RNF13: variants seen among roughly 807,000 people sequenced by gnomAD.
RNF13 encodes the protein ring finger protein 13.
Under a neutral mutation model 37.7 loss-of-function variants are expected in RNF13, and 19 were observed. The ratio of observed to expected loss-of-function variants is 0.50; its 90% CI spans 0.35 to 0.74. The LOEUF is 0.74. Among genes scored for constraint, RNF13 ranks in the 30% least tolerant of loss-of-function variants. The pLI is 0.01. For synonymous variants in RNF13, 144 were observed against 157.8 expected, an observed-to-expected ratio of 0.91 and a Z score of 0.65; for missense variants, 375 against 453.0, an observed-to-expected ratio of 0.83 and a Z score of 1.56.
chr3:149,847,323 A>G (rs1364859721), intron 2 of RNF13, among the ~76,000 whole-genome samples: 1 of 152,132 alleles, frequency 6.6e-6, no homozygotes, highest in East Asian at 1.9e-4. Context: ...GTCTGTGCTA[A>G]GGATTTGGTT....
chr3:149,915,934 G>A (rs953021808), intron 7 of RNF13, among the ~76,000 whole-genome samples: 1 of 152,164 alleles, frequency 6.6e-6, no homozygotes, highest in African/African-American at 2.4e-5. Flanking sequence ...TAGCACAACA[G>A]TATGAATGTA....
intron 2 of RNF13, 121 bp from the exon 3 acceptor site, chr3:149,852,395 G>T: frequency 2.3e-6 from 1 of 441,172 alleles, no homozygotes; most frequent in Non-Finnish European, 4.1e-6. Flanking sequence ...GTTTTATTTT[G>T]ATAAGCTGTG....
chr3:149,832,409 A>G (rs1479344099), intron 1 of RNF13, among the ~76,000 whole-genome samples: 1 of 152,208 alleles, frequency 6.6e-6, no homozygotes, highest in Non-Finnish European at 1.5e-5. Context: ...TTAAAAATTC[A>G]TTGTCACAGA....
At chr3:149,947,708 T>C (rs1383240641) in intron 8 of RNF13, among the ~76,000 whole-genome samples, 3 of 152,152 alleles carry the variant, frequency 2.0e-5, no homozygotes, top group Non-Finnish European at 4.4e-5. Context: ...CCATCTTCCT[T>C]CAGTTCTGTC....
intron 8 of RNF13, among the ~76,000 whole-genome samples, chr3:149,922,173 C>G (rs930726208): frequency 6.6e-6 from 1 of 152,094 alleles, no homozygotes; most frequent in Non-Finnish European, 1.5e-5. Flanking sequence ...GGGGTTTCAC[C>G]ATCTTGGCCA....
chr3:149,892,208 G>A (rs1174784442), intron 4 of RNF13, among the ~76,000 whole-genome samples: 2 of 152,118 alleles, frequency 1.3e-5, no homozygotes, highest in Admixed American at 1.3e-4. Flanking sequence ...TGTTAACAGA[G>A]AACAGCTTTT....
At chr3:149,839,980 C>G (rs1722006315) in intron 1 of RNF13, among the ~76,000 whole-genome samples, 1 of 152,134 alleles carries the variant, frequency 6.6e-6, no homozygotes. Context: ...GGGGCATTAC[C>G]CTCAAGCAAG....
chr3:149,918,224 A>G (rs938313681), intron 7 of RNF13, among the ~76,000 whole-genome samples: 1 of 152,280 alleles, frequency 6.6e-6, no homozygotes, highest in East Asian at 1.9e-4. Flanking sequence ...TCTGGTGTCT[A>G]TTTTATACTT....
rs1716224393 is a variant in RNF13, at chr3:149,904,797, C to A, written c.500+2635C>A. Among the ~76,000 whole-genome samples, 3 of 152,042 alleles carry A rather than the reference C, an allele frequency of 2.0e-5. No individual in the cohort carries two copies. In the South Asian group the frequency reaches 6.2e-4, roughly 32 times the overall value. On this transcript the variant is annotated intron_variant, in intron 6 of 9. Transcript: ENST00000392894. ...AATTAAAAAAAGACTTTAATTTATT[C>A]TTTAGTTCATTAAATTTAAAAATAT...
chr3:149,948,019 G>A (rs898879956), intron 8 of RNF13, among the ~76,000 whole-genome samples: 1 of 151,938 alleles, frequency 6.6e-6, no homozygotes, highest in Admixed American at 6.6e-5. Context: ...GCGCGATCTC[G>A]GCTCACTGTA....
chr3:149,869,285 C>G (rs1264222504), intron 3 of RNF13, among the ~76,000 whole-genome samples: 1 of 151,854 alleles, frequency 6.6e-6, no homozygotes, highest in African/African-American at 2.4e-5. Flanking sequence ...TTCCTTAAAA[C>G]TACTATTTTG....
chr3:149,838,924 C>A (rs1368019938), intron 1 of RNF13, among the ~76,000 whole-genome samples: 2 of 120,494 alleles, frequency 1.7e-5, no homozygotes, highest in African/African-American at 6.5e-5. Flanking sequence ...CAATTCCAAA[C>A]CGTATTTTTG....
intron 1 of RNF13, among the ~76,000 whole-genome samples, chr3:149,837,572 A>G (rs1721751388): frequency 6.6e-6 from 1 of 152,206 alleles, no homozygotes; most frequent in African/African-American, 2.4e-5. Context: ...ATGGTGGCAG[A>G]CAAGAGAAGA....
chr3:149,951,017 T>G (rs1721274074), intron 8 of RNF13, among the ~76,000 whole-genome samples: 1 of 152,188 alleles, frequency 6.6e-6, no homozygotes, highest in Non-Finnish European at 1.5e-5. Context: ...GGAAAGGCCT[T>G]GTTCAGAACA....
chr3:149,817,974 G>A (rs1433752342), intron 1 of RNF13, among the ~76,000 whole-genome samples: 1 of 152,180 alleles, frequency 6.6e-6, no homozygotes, highest in African/African-American at 2.4e-5. Flanking sequence ...GGTTTTCTAG[G>A]GTTTGGTACA....
intron 6 of RNF13, among the ~76,000 whole-genome samples, chr3:149,903,937 A>ATCTGTCTGTCTGTCTGTCTGTCTG (rs34025145): frequency 6.7e-6 from 1 of 148,374 alleles, no homozygotes; most frequent in Non-Finnish European, 1.5e-5. Flanking sequence ...ATATCTGTCT[A>ATCTGTCTGTCTGTCTGTCTGTCTG]TCTGTCTGTC....
At chr3:149,827,949 T>A (rs76658720) in intron 1 of RNF13, among the ~76,000 whole-genome samples, 1 of 145,280 alleles carries the variant, frequency 6.9e-6, no homozygotes, top group African/African-American at 2.5e-5. Context: ...ATCTCTCTAT[T>A]TTTTTTTTTT....
chr3:149,887,124 G>A lies in RNF13; in HGVS notation c.322-8349G>A, dbSNP rs571349762. ...CACCACCCTTCTTCATTCCCCGCCC[G>A]CTTCCCGGCAGCAACCACGCAATGC... On this transcript the variant is annotated intron_variant, in intron 4 of 9. Transcript: ENST00000392894. Among the ~76,000 whole-genome samples the A allele has an allele frequency of 4.6e-5, 7 of 152,234 alleles. No individual in the cohort carries two copies. The South Asian group carries it at 1.0e-3, about 23-fold the overall frequency.
intron 8 of RNF13, among the ~76,000 whole-genome samples, chr3:149,929,504 A>T (rs1718968665): frequency 6.6e-6 from 1 of 152,124 alleles, no homozygotes; most frequent in African/African-American, 2.4e-5. Context: ...GTGTAGTTTT[A>T]CTTCTTTCTT....
Sources: allele counts gnomAD v4.1 joint callset (sites outside exome capture counted in the v4.1 genomes callset), GRCh38; gene constraint gnomAD v4.1.1; transcripts MANE v1.5; gene names NCBI Gene and HGNC (gene_info 2026-07-23, HGNC 2026-07-21).